MTDH: variants seen among roughly 807,000 people sequenced by gnomAD.
The protein encoded by MTDH is protein LYRIC.
In MTDH, 34 loss-of-function variants were observed where a neutral mutation model predicts 72.7. That is an observed-to-expected ratio of 0.47 (90% CI 0.36 to 0.62). The LOEUF is 0.62. MTDH is among the 20% of genes least tolerant of loss of function. The pLI is 0.00. For synonymous variants in MTDH, 266 were observed against 268.9 expected (o/e 0.99, Z 0.10); for missense variants, 677 against 699.4 (o/e 0.97, Z 0.36).
In MTDH at chr8:97,647,094, C is replaced by A. The variant is rs190998211; in HGVS notation, c.381+2207C>A. On this transcript the variant is annotated intron_variant, in intron 1 of 11. Transcript: ENST00000336273. ...GCTGCCGTTTGGTACTCATTAGATA[C>A]CTTTAACTGTGCTAAGTATTGAAGA... Among the ~76,000 whole-genome samples, 91 of 152,226 alleles carry A rather than the reference C, an allele frequency of 6.0e-4. 1 individual carries two copies. Among genetic ancestry groups the A allele is most frequent in the Middle Eastern group, 3.4e-3 (1 of 294 alleles).
chr8:97,671,584 A>C (rs1391626059), intron 2 of MTDH, among the ~76,000 whole-genome samples: 2 of 152,184 alleles, frequency 1.3e-5, no homozygotes, highest in African/African-American at 4.8e-5. Context: ...GCTCTTGGCC[A>C]GGCACAGTGG....
chr8:97,718,495 G>T (rs1025259279), intron 9 of MTDH, among the ~76,000 whole-genome samples: 4 of 145,338 alleles, frequency 2.8e-5, no homozygotes, highest in Non-Finnish European at 6.0e-5. Context: ...TTTTTTGTGG[G>T]TTTTTTTTTG....
At chr8:97,662,436 G>A (rs989474931) in intron 2 of MTDH, among the ~76,000 whole-genome samples, 1 of 151,876 alleles carries the variant, frequency 6.6e-6, no homozygotes, top group African/African-American at 2.4e-5. Context: ...TGATCGGTAA[G>A]TGGTTTCTGG....
intron 9 of MTDH, among the ~76,000 whole-genome samples, chr8:97,716,052 A>G (rs1814856475): frequency 6.6e-6 from 1 of 152,140 alleles, no homozygotes; most frequent in African/African-American, 2.4e-5. Context: ...TTTGATATCC[A>G]TGAAGTTCTA....
chr8:97,682,394 G>T lies in MTDH; in HGVS notation c.484-4274G>T, dbSNP rs569795314. The stretch of plus-strand genomic sequence containing the variant: ...GCTCACTGCAACCTCCGCCTCCCAG[G>T]TTCAAGCGATTCTCCTGCCTCAGCC... On this transcript the variant is annotated intron_variant, in intron 2 of 11. Coordinates refer to ENST00000336273, the MANE Select transcript of MTDH (RefSeq NM_178812.4). 7.2e-5 allele frequency among the ~76,000 whole-genome samples: 10 copies of T among 138,098 alleles called. No homozygotes were observed. In the South Asian group the frequency reaches 2.4e-3, roughly 34 times the overall value. The allele number at this position is 138,098 out of a possible 152,430, so 90.6% of individuals were successfully genotyped here.
In MTDH at chr8:97,644,864, A is replaced by G. The variant is rs1232908242; in HGVS notation, c.358A>G (p.Lys120Glu). 6.4e-7 allele frequency: 1 copy of G among 1,570,136 alleles called. No homozygotes were observed. The highest frequency in any genetic ancestry group is 2.5e-5 in the East Asian group (1 of 40,638). ...CGAGGAACAGAAGAAGAAGAACCGG[A>G]AGAAACTGTCCGAGAAGCCCAAAGT... ...RSEEQKKKNR[K>E]KLSEKPKPNG... is the part of the protein sequence containing the mutation. Residue 120 changes from lysine to glutamate, a missense_variant, in exon 1 of 12, where the codon AAG becomes GAG. By Grantham distance (56) the Lys-to-Glu change is moderately conservative. Coordinates refer to ENST00000336273, the MANE Select transcript of MTDH (RefSeq NM_178812.4).
At chr8:97,663,986 C>T (rs543685176) in intron 2 of MTDH, among the ~76,000 whole-genome samples, 6 of 152,252 alleles carry the variant, frequency 3.9e-5, no homozygotes, top group African/African-American at 1.4e-4. Flanking sequence ...CTCAGAAACT[C>T]TGCCAGGCAG....
chr8:97,652,866 G>A (rs1176241914), intron 1 of MTDH, among the ~76,000 whole-genome samples: 1 of 152,008 alleles, frequency 6.6e-6, no homozygotes, highest in Non-Finnish European at 1.5e-5. Context: ...AGGTGCGGTG[G>A]TTCACACCTG....
intron 2 of MTDH, among the ~76,000 whole-genome samples, chr8:97,683,262 A>G (rs1456940786): frequency 6.6e-6 from 1 of 151,026 alleles, no homozygotes; most frequent in Non-Finnish European, 1.5e-5. Context: ...GATGGGTTTC[A>G]CCATGTTAGC....
chr8:97,667,555 A>T (rs1214501575), intron 2 of MTDH, among the ~76,000 whole-genome samples: 1 of 152,168 alleles, frequency 6.6e-6, no homozygotes, highest in Non-Finnish European at 1.5e-5. Flanking sequence ...TGAAAGAATG[A>T]CTGATAGACA....
intron 1 of MTDH, among the ~76,000 whole-genome samples, 166 bp from the exon 2 acceptor site, chr8:97,660,880 ATTTTATATATATATATATATAAACAC>A (rs1812146225): frequency 7.1e-6 from 1 of 141,074 alleles, no homozygotes; most frequent in South Asian, 2.3e-4. Flanking sequence ...TTGCTTATGA[ATTTTATATATATATATATATAAACAC>A]TAGGGATAAT....
chr8:97,660,532 T>A (rs1261621464), intron 1 of MTDH, among the ~76,000 whole-genome samples: 1 of 152,192 alleles, frequency 6.6e-6, no homozygotes, highest in Non-Finnish European at 1.5e-5. Context: ...AGTTTCTGTT[T>A]TGTTTTGTTT....
intron 7 of MTDH, among the ~76,000 whole-genome samples, chr8:97,703,621 A>G (rs1814227492): frequency 6.6e-6 from 1 of 152,242 alleles, no homozygotes; most frequent in Admixed American, 6.5e-5. Flanking sequence ...AGTATTATTA[A>G]TGAATGGTTG....
intron 10 of MTDH, among the ~76,000 whole-genome samples, chr8:97,720,519 T>C (rs1815072439): frequency 6.6e-6 from 1 of 151,790 alleles, no homozygotes; most frequent in Admixed American, 6.6e-5. Flanking sequence ...GAGGCTGCAG[T>C]GAGCTGTAAT....
chr8:97,672,100 A>G (rs1211206258), intron 2 of MTDH, among the ~76,000 whole-genome samples: 1 of 152,230 alleles, frequency 6.6e-6, no homozygotes, highest in African/African-American at 2.4e-5. Context: ...TAGAAACTAT[A>G]GTTTAAAACC....
chr8:97,714,087 C>CTG (rs1814749235), intron 9 of MTDH, among the ~76,000 whole-genome samples: 1 of 152,040 alleles, frequency 6.6e-6, no homozygotes, highest in East Asian at 1.9e-4. Context: ...TTTTGAGTAA[C>CTG]TGGAAGGTAA....
intron 1 of MTDH, among the ~76,000 whole-genome samples, chr8:97,645,202 C>T (rs1242909182): frequency 1.3e-5 from 2 of 152,168 alleles, no homozygotes; most frequent in Non-Finnish European, 2.9e-5. Flanking sequence ...AGCACAGCAT[C>T]CTTCCTTGAG....
chr8:97,658,994 T>G (rs766180465), intron 1 of MTDH, among the ~76,000 whole-genome samples: 4 of 151,834 alleles, frequency 2.6e-5, no homozygotes, highest in Non-Finnish European at 5.9e-5. Context: ...ATACAAAAAA[T>G]TAGCTGGGCG....
chr8:97,683,971 C>T (rs986458298), intron 2 of MTDH, among the ~76,000 whole-genome samples: 1 of 152,000 alleles, frequency 6.6e-6, no homozygotes, highest in African/African-American at 2.4e-5. Context: ...ATTAGCTGGG[C>T]ATGGTAGCGC....
Sources: allele counts gnomAD v4.1 joint callset (sites outside exome capture counted in the v4.1 genomes callset), GRCh38; gene constraint gnomAD v4.1.1; transcripts MANE v1.5; gene names NCBI Gene and HGNC (gene_info 2026-07-23, HGNC 2026-07-21).